The following WWOX variants were observed in gnomAD, a reference collection of about 807,000 sequenced individuals.
The protein encoded by WWOX is WW domain-containing oxidoreductase.
A neutral mutation model predicts 46.2 loss-of-function variants in WWOX; 69 were observed. That is an observed-to-expected ratio of 1.49 (90% CI 1.23 to 1.82). The LOEUF (loss-of-function observed/expected upper bound fraction) is 1.82, where lower values mean the gene tolerates loss of function less well. Ranked by LOEUF, WWOX falls within the 40% of genes most tolerant of loss-of-function variation. WWOX has a pLI of 0.00. For synonymous variants in WWOX, 359 were observed against 202.6 expected (o/e 1.77, Z -6.56); for missense variants, 919 against 542.6 (o/e 1.69, Z -6.89).
intron 8 of WWOX, among the ~76,000 whole-genome samples, chr16:78,546,855 G>C (rs931188922): frequency 2.0e-5 from 3 of 152,150 alleles, no homozygotes; most frequent in Non-Finnish European, 4.4e-5. Context: ...GGCCAGGCCC[G>C]GTGGCTCATG....
chr16:78,123,456 T>TTTTTTTTTTG (rs2151686643), intron 4 of WWOX: 1 of 14,448 alleles, frequency 6.9e-5, no homozygotes, highest in East Asian at 2.1e-3. Flanking sequence ...TTTTTTTTTG[T>TTTTTTTTTTG]TTTTTTTTTT....
chr16:79,008,978 C>T (rs559575781), intron 8 of WWOX, among the ~76,000 whole-genome samples: 2 of 152,326 alleles, frequency 1.3e-5, no homozygotes, highest in South Asian at 4.1e-4. Flanking sequence ...CTCTGTGACG[C>T]CAGTGCAATT....
chr16:79,074,762 C>T (rs1437741697), intron 8 of WWOX, among the ~76,000 whole-genome samples: 1 of 152,010 alleles, frequency 6.6e-6, no homozygotes, highest in Non-Finnish European at 1.5e-5. Context: ...TCCCCCAGCT[C>T]AGAAAATAGC....
intron 8 of WWOX, among the ~76,000 whole-genome samples, chr16:78,501,571 C>T (rs1261534007): frequency 6.6e-6 from 1 of 151,260 alleles, no homozygotes; most frequent in Non-Finnish European, 1.5e-5. Flanking sequence ...GAGTCTTCCT[C>T]TGTCACCCAG....
intron 8 of WWOX, among the ~76,000 whole-genome samples, chr16:78,965,216 G>A (rs79105232): frequency 0.011 from 1,695 of 152,272 alleles, 26 homozygotes; most frequent in African/African-American, 0.038. Flanking sequence ...AGTAACATGG[G>A]AACAATAGTA....
chr16:79,064,106 T>A (rs1048635638), intron 8 of WWOX, among the ~76,000 whole-genome samples: 5 of 152,240 alleles, frequency 3.3e-5, no homozygotes, highest in Admixed American at 3.3e-4. Flanking sequence ...TTTATGTAAA[T>A]GATCTTTATA....
intron 7 of WWOX, among the ~76,000 whole-genome samples, chr16:78,427,154 G>T (rs2083100333): frequency 6.6e-6 from 1 of 152,142 alleles, no homozygotes; most frequent in South Asian, 2.1e-4. Context: ...TGCAAGTGCT[G>T]ATATCTAATT....
rs570549656 is a variant in WWOX at position 78,305,275 on chromosome 16, G to A, written c.517-81585G>A. ...TGGAGACCGGGGCCCTCCAGCTGCT[G>A]TGATGATCCTCCCTTGCCAGGGAGG... On this transcript the variant is annotated intron_variant, in intron 5 of 8. Transcript: ENST00000566780. 6.6e-5 allele frequency among the ~76,000 whole-genome samples: 10 copies of A among 152,172 alleles called. No individual in the cohort carries two copies. The South Asian group carries it at 1.5e-3, about 22-fold the overall frequency.
intron 8 of WWOX, among the ~76,000 whole-genome samples, chr16:78,672,853 A>T (rs1477858367): frequency 6.6e-6 from 1 of 152,232 alleles, no homozygotes; most frequent in Non-Finnish European, 1.5e-5. Flanking sequence ...CTAAAATAGA[A>T]TCATCGCCTT....
chr16:78,921,029 C>T (rs546114717), intron 8 of WWOX, among the ~76,000 whole-genome samples: 1 of 152,140 alleles, frequency 6.6e-6, no homozygotes, highest in African/African-American at 2.4e-5. Flanking sequence ...TAAGCTTTGC[C>T]AGTCCAATAT....
chr16:78,742,601 C>T (rs759492066), intron 8 of WWOX, among the ~76,000 whole-genome samples: 1 of 152,200 alleles, frequency 6.6e-6, no homozygotes, highest in Admixed American at 6.5e-5. Flanking sequence ...CAGCGCATCA[C>T]GAGAAATCTC....
intron 8 of WWOX, among the ~76,000 whole-genome samples, chr16:79,015,844 C>T (rs937905770): frequency 3.3e-5 from 5 of 152,172 alleles, no homozygotes; most frequent in East Asian, 1.9e-4. Flanking sequence ...CCCCGCCTCC[C>T]GGGTTCATGT....
chr16:78,279,099 A>C (rs77670747), intron 5 of WWOX, among the ~76,000 whole-genome samples: 9,573 of 152,274 alleles, frequency 0.063, 383 homozygotes, highest in East Asian at 0.12. Flanking sequence ...GTCAATGGCT[A>C]TTCAGATGAA....
chr16:78,149,308 T>G (rs1161494429), intron 4 of WWOX, among the ~76,000 whole-genome samples: 1 of 152,174 alleles, frequency 6.6e-6, no homozygotes, highest in Non-Finnish European at 1.5e-5. Flanking sequence ...GGGGTTAAAT[T>G]AAGTCTATAA....
At chr16:78,901,670 G>A (rs932699122) in intron 8 of WWOX, among the ~76,000 whole-genome samples, 5 of 152,110 alleles carry the variant, frequency 3.3e-5, no homozygotes, top group African/African-American at 1.2e-4. Flanking sequence ...GTATTTTTTT[G>A]TAGTAACACG....
intron 5 of WWOX, among the ~76,000 whole-genome samples, chr16:78,372,615 T>C (rs1371450165): frequency 6.6e-6 from 1 of 152,184 alleles, no homozygotes; most frequent in Non-Finnish European, 1.5e-5. Context: ...GAAGGGTTAC[T>C]CTCCTTAGGG....
At chr16:78,986,191 T>C (rs1483892743) in intron 8 of WWOX, among the ~76,000 whole-genome samples, 1 of 152,210 alleles carries the variant, frequency 6.6e-6, no homozygotes, top group Non-Finnish European at 1.5e-5. Context: ...ACATTTATAT[T>C]TTTACATATG....
At chr16:78,917,320 G>C (rs759671535) in intron 8 of WWOX, among the ~76,000 whole-genome samples, 3 of 152,126 alleles carry the variant, frequency 2.0e-5, no homozygotes, top group African/African-American at 4.8e-5. Flanking sequence ...GAGAGGGATG[G>C]TTCTGTGGTG....
At chr16:79,094,182 G>A (rs543786902) in intron 8 of WWOX, among the ~76,000 whole-genome samples, 1 of 151,718 alleles carries the variant, frequency 6.6e-6, no homozygotes, top group South Asian at 2.1e-4. Flanking sequence ...AAAGTTCGTC[G>A]TGTGCCGATA....
Sources: gnomAD v4.1 joint callset for allele counts (sites outside exome capture counted in the v4.1 genomes callset) on GRCh38, gnomAD v4.1.1 for gene constraint, MANE v1.5 for transcripts, NCBI Gene and HGNC (gene_info 2026-07-23, HGNC 2026-07-21) for gene names.